The following TRPM7 variants were observed in gnomAD, a reference collection of about 807,000 sequenced individuals.
The protein encoded by TRPM7 is transient receptor potential cation channel subfamily M member 7, also known as LTRPC ion channel family member 7.
In TRPM7, 134 loss-of-function variants were observed where a neutral mutation model predicts 229.7. That is an observed-to-expected ratio of 0.58 (90% confidence interval 0.51 to 0.67). The LOEUF (loss-of-function observed/expected upper bound fraction) is 0.67. Among genes scored for constraint, TRPM7 ranks in the 30% least tolerant of loss-of-function variants. TRPM7 has a pLI of 0.00. For missense variants in TRPM7, 1,901 were observed against 2,210.0 expected (o/e 0.86, Z 2.80); for synonymous variants, 699 against 715.2 (o/e 0.98, Z 0.36).
In TRPM7 at chr15:50,614,256, A is replaced by G; in HGVS notation, c.1502T>C (p.Leu501Pro). The G allele has an allele frequency of 6.3e-7, 1 of 1,595,810 alleles. No homozygotes were observed. Among genetic ancestry groups the G allele is most frequent in the South Asian group, 1.1e-5 (1 of 88,970 alleles). ...HLVRDVKQGN[L>P]PPGYKITLID... Reference sequence around the variant, plus strand: ...CAGAGTGATCTTATATCCTGGAGGAAGATTTCCCTAGAAACAAAACATTTG... The same window carrying G: ...CAGAGTGATCTTATATCCTGGAGGAGGATTTCCCTAGAAACAAAACATTTG... Residue 501 changes from leucine (L) to proline (P), a missense_variant, in exon 14 of 39, where the codon CTT (leucine) becomes CCT (proline). By Grantham distance (98) the Leu-to-Pro change is moderately conservative. Coordinates refer to ENST00000646667, the MANE Select transcript of TRPM7 (RefSeq NM_017672.6).
At chr15:50,576,071 T>G (rs2054116942) in intron 31 of TRPM7, 152 bp from the exon 32 acceptor site, 9 of 738,054 alleles carry the variant, frequency 1.2e-5, no homozygotes, top group Non-Finnish European at 1.7e-5. Context: ...ATGTCCACTG[T>G]GCTATATTAC....
At chr15:50,621,962 G>A (rs151067682) in intron 12 of TRPM7, among the ~76,000 whole-genome samples, 27,622 of 151,918 alleles carry the variant, frequency 0.18, 3,246 homozygotes, top group East Asian at 0.46. Context: ...CCTGGGAGGT[G>A]GAGGTCGCAT....
chr15:50,606,555 G>A (rs1596170774), intron 20 of TRPM7, among the ~76,000 whole-genome samples: 1 of 152,218 alleles, frequency 6.6e-6, no homozygotes, highest in East Asian at 1.9e-4. Context: ...CTGGAGTGCA[G>A]TGGTGCAATC....
In TRPM7 at chr15:50,578,104, T is replaced by C. The variant is rs191217286; in HGVS notation, c.4618+535A>G. Among the ~76,000 whole-genome samples, 238 of 152,262 alleles carry C rather than the reference T, an allele frequency of 1.6e-3. 2 individuals carry two copies. Among genetic ancestry groups the C allele is most frequent in the African/African-American group, 1.8e-3 (74 of 41,556 alleles). On this transcript the variant is annotated intron_variant, in intron 31 of 38. Transcript: ENST00000646667. ...AAGTAGAAACAAAGGAATGGAGATA[T>C]AGGCAAAATTGTTTTTAGGTGCTGA...
intron 1 of TRPM7, among the ~76,000 whole-genome samples, chr15:50,670,261 T>A (rs2061960180): frequency 6.6e-6 from 1 of 152,086 alleles, no homozygotes; most frequent in African/African-American, 2.4e-5. Context: ...TCAGAGGTGT[T>A]TAAACCAGAG....
At chr15:50,638,358 C>CAAAAAA (rs60939201) in intron 6 of TRPM7, among the ~76,000 whole-genome samples, 10 of 42,284 alleles carry the variant, frequency 2.4e-4, no homozygotes, top group African/African-American at 8.6e-4. Flanking sequence ...GACTCCGTCT[C>CAAAAAA]AAAAAAAAAA....
intron 12 of TRPM7, among the ~76,000 whole-genome samples, chr15:50,621,092 G>A (rs2060386913): frequency 6.6e-6 from 1 of 150,502 alleles, no homozygotes; most frequent in East Asian, 1.9e-4. Context: ...CCCTGGGGGC[G>A]GAGCCTGCAG....
chr15:50,563,929 G>A lies in TRPM7; in HGVS notation c.5468-2121C>T, dbSNP rs117399714. ...GGCTGAAGTGCAGTGGCACGATCTCGGCTCACTGAAACCCCTACCTCTGTG... is the reference window on the plus strand; with the variant it reads ...GGCTGAAGTGCAGTGGCACGATCTCAGCTCACTGAAACCCCTACCTCTGTG... On this transcript the variant is annotated intron_variant, in intron 38 of 38. Transcript: ENST00000646667. 1.4e-3 allele frequency among the ~76,000 whole-genome samples: 215 copies of A among 151,976 alleles called. 5 individuals carry two copies. The East Asian group carries it at 0.033, about 23-fold the overall frequency.
chr15:50,594,476 C>G lies in TRPM7; in HGVS notation c.3428G>C (p.Cys1143Ser). 6.2e-7 allele frequency: 1 copy of G among 1,612,942 alleles called. No homozygotes were observed. Among genetic ancestry groups the G allele is most frequent in the East Asian group, 2.2e-5 (1 of 44,730 alleles). Reference protein sequence around the residue: ...IILSHIVSLFCCICKRRKKDK... With the variant: ...IILSHIVSLFSCICKRRKKDK... ...TTTCTTTCTTCTCTTACATATGCAG[C>G]AAAACAGAGAAACTATATGGCTAAG... Residue 1143 changes from cysteine (C) to serine (S), a missense_variant, in exon 24 of 39, where the codon TGC (cysteine) becomes TCC (serine). Around this residue, in one of 8 missense-constraint regions of TRPM7, gnomAD observed 533 missense variants for 497.1 expected, o/e 1.07. Coordinates refer to ENST00000646667, the MANE Select transcript of TRPM7 (RefSeq NM_017672.6).
rs769364001 is a variant in TRPM7, at chr15:50,631,398, A to T, written c.1204+19T>A. On this transcript the variant is annotated intron_variant, in intron 10 of 38. Transcript: ENST00000646667. ...TAAAATAAAAGGTCTTACAAATAAA[A>T]AAGTTCTTAGAGGCTTACCTTTTAG... 1 of 1,555,968 alleles carries T rather than the reference A, an allele frequency of 6.4e-7. No homozygotes were observed. The highest frequency in any genetic ancestry group is 8.8e-7 in the Non-Finnish European group (1 of 1,133,974).
chr15:50,629,047 A>C (rs2060648502), intron 10 of TRPM7, among the ~76,000 whole-genome samples: 1 of 152,186 alleles, frequency 6.6e-6, no homozygotes, highest in Non-Finnish European at 1.5e-5. Context: ...AAATACTTCA[A>C]ATGGTAGATA....
Position 50,560,658 on chromosome 15 carries a change from G to A in TRPM7, c.*1020C>T, listed in dbSNP as rs796332238. The A allele has an allele frequency of 1.8e-4, 27 of 152,592 alleles. No homozygotes were observed. Among genetic ancestry groups the A allele is most frequent in the South Asian group, 2.1e-4 (1 of 4,834 alleles). 9.5% of individuals were successfully genotyped at this position (152,592 alleles called of 1,614,324 possible). On this transcript the variant is annotated 3_prime_UTR_variant, in exon 39 of 39. Transcript: ENST00000646667. The stretch of plus-strand genomic sequence containing the variant: ...CATTTTATTGGCATAAGGTTGCACT[G>A]CAATCTGCCAGTATCACATAATGAT...
intron 17 of TRPM7, among the ~76,000 whole-genome samples, chr15:50,610,858 G>C (rs1236974258): frequency 6.6e-6 from 1 of 151,940 alleles, no homozygotes; most frequent in African/African-American, 2.4e-5. Flanking sequence ...TCCCCTTCTA[G>C]CTCAAAGAGA....
intron 1 of TRPM7, among the ~76,000 whole-genome samples, chr15:50,679,737 G>C (rs985900454): frequency 1.3e-5 from 2 of 150,510 alleles, no homozygotes; most frequent in Non-Finnish European, 3.0e-5. Flanking sequence ...GGTTATCTAC[G>C]TTGGCCAGGC....
chr15:50,569,953 C>A lies in TRPM7; in HGVS notation c.5401G>T (p.Asp1801Tyr), dbSNP rs1478036910. 6.2e-7 allele frequency: 1 copy of A among 1,612,138 alleles called. No individual in the cohort carries two copies. The highest frequency in any genetic ancestry group is 8.5e-7 in the Non-Finnish European group (1 of 1,179,184). Reference sequence around the variant, plus strand: ...TTTGCTCTGAAGTTTTTAATTGCATCTTCTCCTAGATTTGCTGGGCCAAAA... The same window carrying A: ...TTTGCTCTGAAGTTTTTAATTGCATATTCTCCTAGATTTGCTGGGCCAAAA... Reference protein sequence around the residue: ...MVFGPANLGEDAIKNFRAKHH... With the variant: ...MVFGPANLGEYAIKNFRAKHH... Residue 1801 changes from aspartate (D) to tyrosine (Y), a missense_variant, in exon 38 of 39, where the codon GAT becomes TAT. Asp to Tyr is a radical substitution (Grantham distance 160). Coordinates refer to ENST00000646667, the MANE Select transcript of TRPM7 (RefSeq NM_017672.6).
At chr15:50,658,362 C>G (rs1366089150) in intron 2 of TRPM7, among the ~76,000 whole-genome samples, 1 of 151,428 alleles carries the variant, frequency 6.6e-6, no homozygotes, top group South Asian at 2.1e-4. Context: ...TGCTTGAGTC[C>G]AGGAGTTTAA....
chr15:50,615,577 C>G (rs927143226), intron 13 of TRPM7, among the ~76,000 whole-genome samples: 3 of 151,984 alleles, frequency 2.0e-5, no homozygotes, highest in Non-Finnish European at 4.4e-5. Flanking sequence ...TTCTGCCCTC[C>G]TACCATCACC....
chr15:50,562,123 C>T (rs1160777186), intron 38 of TRPM7, among the ~76,000 whole-genome samples: 8 of 151,814 alleles, frequency 5.3e-5, no homozygotes, highest in African/African-American at 1.7e-4. Context: ...CTTGAACTCC[C>T]GTCCTCAGGT....
chr15:50,652,504 C>A (rs1305114979), intron 3 of TRPM7, among the ~76,000 whole-genome samples: 1 of 139,646 alleles, frequency 7.2e-6, no homozygotes. Flanking sequence ...CCAGCCTGGA[C>A]AATACAGCAA....
Sources: allele counts gnomAD v4.1 joint callset (sites outside exome capture counted in the v4.1 genomes callset), GRCh38; gene constraint gnomAD v4.1.1; regional missense constraint gnomAD v4.1.1; transcripts MANE v1.5; gene names NCBI Gene and HGNC (gene_info 2026-07-23, HGNC 2026-07-21).